WDR27: variants seen among roughly 807,000 people sequenced by gnomAD.
WDR27 encodes WD repeat-containing protein 27.
A neutral mutation model predicts 114.4 loss-of-function variants in WDR27; 100 were observed. The observed-to-expected ratio is 0.87, with a 90% CI of 0.74 to 1.03. WDR27 has a LOEUF of 1.03. Ranked by LOEUF, WDR27 falls within the 50% of genes least tolerant of loss-of-function variation. The probability of loss-of-function intolerance (pLI) is 0.00; values close to 1 mark genes in which losing one functional copy is unlikely to be tolerated. For synonymous variants in WDR27, 449 were observed against 423.1 expected (o/e 1.06, Z -0.75); for missense variants, 1,129 against 1,092.9 (o/e 1.03, Z -0.47).
intron 22 of WDR27, 130 bp downstream of exon 22, chr6:169,613,429 T>C (rs1385201904): frequency 1.5e-6 from 1 of 679,104 alleles, no homozygotes; most frequent in Non-Finnish European, 2.4e-6. Flanking sequence ...TTTCTGTGCA[T>C]AAATCAGTCT....
At chr6:169,510,281 G>A (rs566343695) in intron 25 of WDR27, among the ~76,000 whole-genome samples, 1 of 152,120 alleles carries the variant, frequency 6.6e-6, no homozygotes, top group African/African-American at 2.4e-5. Flanking sequence ...CCATTACTGG[G>A]TATATACCCA....
chr6:169,649,164 CA>C (rs1821584591), intron 15 of WDR27, 33 bp downstream of exon 15: 2 of 1,541,484 alleles, frequency 1.3e-6, no homozygotes, highest in African/African-American at 2.7e-5. Flanking sequence ...TAGGTTATTT[CA>C]AATGTACTTG....
chr6:169,626,976 C>T (rs9371154), intron 21 of WDR27, among the ~76,000 whole-genome samples: 1 of 152,092 alleles, frequency 6.6e-6, no homozygotes, highest in Non-Finnish European at 1.5e-5. Flanking sequence ...AGCAGCTGCC[C>T]TTCTCCTGAC....
chr6:169,688,101 A>G (rs1783502904), intron 2 of WDR27, among the ~76,000 whole-genome samples: 1 of 152,220 alleles, frequency 6.6e-6, no homozygotes, highest in Admixed American at 6.5e-5. Flanking sequence ...TATTTACATA[A>G]GTAGAATGTA....
rs1199110824 is a variant in WDR27, at chr6:169,597,877, T to TTCATACACACACACACACAC, written c.2424+4341_2424+4342insGTGTGTGTGTGTGTGTATGA. On this transcript the variant is annotated intron_variant, in intron 23 of 25. Coordinates refer to ENST00000448612, the MANE Select transcript of WDR27 (RefSeq NM_182552.5). ...GCACAACTTCACCTCTTACCATTCA[T>TTCATACACACACACACACAC]ACACACACACACACACACACACACA... Among the ~76,000 whole-genome samples, 33 of 142,290 alleles carry TTCATACACACACACACACAC rather than the reference T, an allele frequency of 2.3e-4. No homozygotes were observed. The East Asian group carries it at 6.1e-3, about 26-fold the overall frequency. 93.3% of individuals were successfully genotyped at this position (142,290 alleles called of 152,430 possible). A position where few individuals can be genotyped will look rare whatever the true frequency, so the allele number is the denominator to read the frequency against.
At chr6:169,686,359 C>T (rs898466420) in intron 2 of WDR27, among the ~76,000 whole-genome samples, 2 of 152,128 alleles carry the variant, frequency 1.3e-5, no homozygotes, top group African/African-American at 4.8e-5. Context: ...AAGTAACGAA[C>T]AAAAGATATA....
chr6:169,556,951 T>C (rs1360536733), intron 25 of WDR27, among the ~76,000 whole-genome samples: 1 of 152,202 alleles, frequency 6.6e-6, no homozygotes, highest in Non-Finnish European at 1.5e-5. Context: ...CTCTCATACC[T>C]TGCTGGGGAG....
intron 10 of WDR27, 97 bp downstream of exon 10, chr6:169,660,566 C>T: frequency 2.0e-6 from 2 of 988,730 alleles, no homozygotes; most frequent in Admixed American, 3.7e-5. Flanking sequence ...TCCTCAGATT[C>T]ACACGGCAAG....
chr6:169,668,505 G>A (rs751459496), intron 4 of WDR27: 5 of 254,140 alleles, frequency 2.0e-5, no homozygotes, highest in Middle Eastern at 1.3e-3. Context: ...AAGACAAGAC[G>A]GTGCGGCAAT....
chr6:169,496,785 A>G (rs1342755239), intron 25 of WDR27, among the ~76,000 whole-genome samples: 1 of 152,178 alleles, frequency 6.6e-6, no homozygotes, highest in Non-Finnish European at 1.5e-5. Context: ...CTGCAACAAA[A>G]TTAAAGAAGA....
intron 10 of WDR27, among the ~76,000 whole-genome samples, 167 bp downstream of exon 10, chr6:169,660,496 G>A (rs926269044): frequency 5.9e-5 from 9 of 152,182 alleles, no homozygotes; most frequent in Admixed American, 1.3e-4. Flanking sequence ...CTCGTCCTTC[G>A]GATCCAGCAG....
intron 23 of WDR27, among the ~76,000 whole-genome samples, chr6:169,599,094 C>T (rs932585493): frequency 2.0e-5 from 3 of 151,882 alleles, no homozygotes; most frequent in East Asian, 1.9e-4. Context: ...CCCATTAACT[C>T]GTCATTTAAC....
chr6:169,654,722 G>A (rs1020871874), intron 13 of WDR27, among the ~76,000 whole-genome samples: 6 of 150,128 alleles, frequency 4.0e-5, no homozygotes, highest in Non-Finnish European at 8.8e-5. Flanking sequence ...ACAGGAGAAG[G>A]AGGCGCGCAC....
rs138574698 is a variant in WDR27 at position 169,617,722 on chromosome 6, C to T, written c.2224-4066G>A. ...GCAAATGGACTTTCTACTTGGCCAG[C>T]GCCATCTTGCCTGCTCCTTACTGTA... On this transcript the variant is annotated intron_variant, in intron 21 of 25. Coordinates refer to ENST00000448612, the MANE Select transcript of WDR27 (RefSeq NM_182552.5). 6.0e-3 allele frequency among the ~76,000 whole-genome samples: 908 copies of T among 152,216 alleles called. 9 individuals are homozygous for T. Among genetic ancestry groups the T allele is most frequent in the African/African-American group, 0.02 (850 of 41,522 alleles).
intron 25 of WDR27, among the ~76,000 whole-genome samples, chr6:169,468,151 GACC>G (rs757031232): frequency 1.3e-5 from 2 of 152,204 alleles, no homozygotes; most frequent in Admixed American, 6.5e-5. Flanking sequence ...CTCCATCTGA[GACC>G]ACATCACCCT....
chr6:169,688,458 T>A (rs570919266), intron 2 of WDR27, among the ~76,000 whole-genome samples: 1 of 152,160 alleles, frequency 6.6e-6, no homozygotes, highest in East Asian at 1.9e-4. Flanking sequence ...CATGCACTTA[T>A]TATGTGGAAC....
chr6:169,526,320 T>G (rs562675476), intron 25 of WDR27, among the ~76,000 whole-genome samples: 21 of 152,246 alleles, frequency 1.4e-4, no homozygotes, highest in African/African-American at 5.1e-4. Context: ...ACATCTAAAA[T>G]AAGCATCCAA....
At chr6:169,460,264 A>G (rs1039343357) in intron 25 of WDR27, among the ~76,000 whole-genome samples, 9 of 152,220 alleles carry the variant, frequency 5.9e-5, no homozygotes, top group Admixed American at 3.3e-4. Context: ...AGAACAAAAT[A>G]TGTAAAAATG....
At chr6:169,640,390 A>G (rs1274616114) in intron 17 of WDR27, among the ~76,000 whole-genome samples, 1 of 152,252 alleles carries the variant, frequency 6.6e-6, no homozygotes, top group Admixed American at 6.5e-5. Context: ...GACGCCAGGA[A>G]ACGCAGAGCT....
Sources: gnomAD v4.1 joint callset for allele counts (sites outside exome capture counted in the v4.1 genomes callset) on GRCh38, gnomAD v4.1.1 for gene constraint, MANE v1.5 for transcripts, NCBI Gene and HGNC (gene_info 2026-07-23, HGNC 2026-07-21) for gene names.